Variants in PRKCZ observed in about 807,000 individuals in gnomAD.
PRKCZ encodes protein kinase C zeta type.
In PRKCZ, 33 loss-of-function variants were observed where a neutral mutation model predicts 79.5. That is an observed-to-expected ratio of 0.41 (90% CI 0.31 to 0.55). PRKCZ has a LOEUF of 0.55. PRKCZ is among the 20% of genes least tolerant of loss of function. The pLI is 0.19. For missense variants in PRKCZ, 578 were observed against 813.5 expected (o/e 0.71, Z 3.52); for synonymous variants, 342 against 320.9 (o/e 1.07, Z -0.70).
At position 2,185,330 on chromosome 1, in the gene PRKCZ, G is replaced by A. The variant is rs1188326190; in HGVS notation, c.*321G>A. 2 of 718,782 alleles carry A rather than the reference G, an allele frequency of 2.8e-6. No individual in the cohort carries two copies. Among genetic ancestry groups the A allele is most frequent in the Non-Finnish European group, 2.6e-6 (1 of 385,138 alleles). 44.5% of individuals were successfully genotyped at this position (718,782 alleles called of 1,614,324 possible). On this transcript the variant is annotated 3_prime_UTR_variant, in exon 18 of 18. Coordinates refer to ENST00000378567, the MANE Select transcript of PRKCZ (RefSeq NM_002744.6). ...CCACGGAAACAGAACTCGATGCACT[G>A]ACCTGCTCCGCCAGGAAAGTGAGCG... is the stretch of plus-strand genomic sequence containing the variant.
intron 4 of PRKCZ, among the ~76,000 whole-genome samples, chr1:2,110,396 C>T (rs1669486691): frequency 6.6e-6 from 1 of 152,238 alleles, no homozygotes. Flanking sequence ...TCCGTTCAGG[C>T]TTCATCCCCG....
At chr1:2,113,679 A>G (rs909685526) in intron 4 of PRKCZ, among the ~76,000 whole-genome samples, 1 of 152,158 alleles carries the variant, frequency 6.6e-6, no homozygotes, top group African/African-American at 2.4e-5. Context: ...AAGTAGTGGT[A>G]TCTCTGAGAG....
chr1:2,172,508 C>T lies in PRKCZ; in HGVS notation c.1285+120C>T, dbSNP rs1684628382. 8.9e-6 allele frequency: 10 copies of T among 1,128,484 alleles called. No homozygotes were observed. Among genetic ancestry groups the T allele is most frequent in the African/African-American group, 3.2e-5 (2 of 63,430 alleles). 69.9% of individuals were successfully genotyped at this position (1,128,484 alleles called of 1,614,324 possible). A position where few individuals can be genotyped will look rare whatever the true frequency, so the allele number is the denominator to read the frequency against. ...CTTACACCCAAAAGCCACACACTGT[C>T]TTTCCCAGCCGGATGTCATCATCTG... On this transcript the variant is annotated intron_variant, in intron 13 of 17. Transcript: ENST00000378567. The surrounding 1 kb of genome is among the most constrained non-coding windows in gnomAD (Gnocchi z 7.8).
At chr1:2,161,847 GGA>G (rs1429652786) in intron 10 of PRKCZ, among the ~76,000 whole-genome samples, 5 of 152,008 alleles carry the variant, frequency 3.3e-5, no homozygotes, top group Admixed American at 2.0e-4. Flanking sequence ...GGAGCCACCT[GGA>G]GTCTCCTTAG....
At chr1:2,144,745 C>A in intron 6 of PRKCZ, 1 of 695,806 alleles carries the variant, frequency 1.4e-6, no homozygotes, top group Non-Finnish European at 1.8e-6. Flanking sequence ...CCTGGCATCC[C>A]CCCTGGGAAG....
intron 4 of PRKCZ, among the ~76,000 whole-genome samples, chr1:2,105,449 G>A (rs1303646726): frequency 6.6e-6 from 1 of 152,234 alleles, no homozygotes; most frequent in Admixed American, 6.5e-5. Flanking sequence ...GCCCAGGCTG[G>A]AGTGCAGTGG....
At position 2,121,586 on chromosome 1, in the gene PRKCZ, A is replaced by G. The variant is rs915500926; in HGVS notation, c.335-13676A>G. 5.1e-4 allele frequency among the ~76,000 whole-genome samples: 59 copies of G among 115,374 alleles called. 6 individuals carry two copies. Among genetic ancestry groups the G allele is most frequent in the African/African-American group, 1.0e-3 (34 of 34,028 alleles). 75.7% of individuals were successfully genotyped at this position (115,374 alleles called of 152,430 possible). On this transcript the variant is annotated intron_variant, in intron 4 of 17. Transcript: ENST00000378567. ...TGGCTGTAGTTAGGGTGATGGTGGT[A>G]GTTAAGGTCACAGCAGTAATTAGGG...
At chr1:2,175,565 ACCCCCAACC>A (rs1201451248) in intron 16 of PRKCZ, among the ~76,000 whole-genome samples, 3 of 67,606 alleles carry the variant, frequency 4.4e-5, no homozygotes, top group Non-Finnish European at 9.6e-5. Flanking sequence ...CAACCCCTAC[ACCCCCAACC>A]CCTCCAACCC....
At chr1:2,087,156 C>T (rs1664669594) in intron 4 of PRKCZ, among the ~76,000 whole-genome samples, 1 of 152,070 alleles carries the variant, frequency 6.6e-6, no homozygotes, top group African/African-American at 2.4e-5. Context: ...GATCTCAGCT[C>T]ACTGTAACCA....
intron 4 of PRKCZ, among the ~76,000 whole-genome samples, chr1:2,116,972 G>C (rs1183593378): frequency 6.6e-6 from 1 of 152,106 alleles, no homozygotes; most frequent in African/African-American, 2.4e-5. Context: ...GCGGGGGGCA[G>C]ACAGGACCTC....
chr1:2,081,656 G>A (rs1169284864), intron 4 of PRKCZ, among the ~76,000 whole-genome samples: 3 of 152,264 alleles, frequency 2.0e-5, no homozygotes, highest in Admixed American at 6.5e-5. Context: ...TGGTGATGTC[G>A]GGGCTGCGGT....
chr1:2,080,865 T>C (rs1571223261), intron 4 of PRKCZ, among the ~76,000 whole-genome samples: 1 of 152,220 alleles, frequency 6.6e-6, no homozygotes, highest in East Asian at 1.9e-4. Flanking sequence ...TAAGGAGGGC[T>C]GGTCAGGTGT....
chr1:2,109,606 A>G (rs1669306606), intron 4 of PRKCZ, among the ~76,000 whole-genome samples: 1 of 152,200 alleles, frequency 6.6e-6, no homozygotes, highest in Non-Finnish European at 1.5e-5. Flanking sequence ...CTTCAGCGAG[A>G]GTCCATAGGA....
In PRKCZ at chr1:2,119,213, C is replaced by CTT. The variant is rs201938015; in HGVS notation, c.335-16032_335-16031dup. On this transcript the variant is annotated intron_variant, in intron 4 of 17. Coordinates refer to ENST00000378567, the MANE Select transcript of PRKCZ (RefSeq NM_002744.6). The stretch of plus-strand genomic sequence containing the variant: ...ATAACAGTTTAATTCTTATTTTTTC[C>CTT]TTTTTTTTTTTTTTTTTTGAGATGG... Among the ~76,000 whole-genome samples the CTT allele has an allele frequency of 5.6e-3, 714 of 126,374 alleles. 11 individuals carry two copies. Among genetic ancestry groups the CTT allele is most frequent in the East Asian group, 0.013 (62 of 4,674 alleles). 82.9% of individuals were successfully genotyped at this position (126,374 alleles called of 152,430 possible). A position where few individuals can be genotyped will look rare whatever the true frequency, so the allele number is the denominator to read the frequency against.
chr1:2,136,532 G>A (rs1174741573), intron 5 of PRKCZ, among the ~76,000 whole-genome samples: 4 of 152,096 alleles, frequency 2.6e-5, no homozygotes, highest in African/African-American at 7.2e-5. Context: ...TGGCAGGCAC[G>A]GGAGAGTCCA....
rs112514857 is a variant in PRKCZ, at chr1:2,144,386, G to T, written c.552+45G>T. 9.9e-4 allele frequency: 1,522 copies of T among 1,543,088 alleles called. 3 individuals are homozygous for T. Among genetic ancestry groups the T allele is most frequent in the South Asian group, 4.8e-3 (404 of 83,686 alleles). Reference sequence around the variant, plus strand: ...AGGCCCGGGGGGCACGGGCGGGGTCGGGGCGTGGCAGCCAGCCCATTGTCC... The same window carrying T: ...AGGCCCGGGGGGCACGGGCGGGGTCTGGGCGTGGCAGCCAGCCCATTGTCC... On this transcript the variant is annotated intron_variant, in intron 6 of 17. Coordinates refer to ENST00000378567, the MANE Select transcript of PRKCZ (RefSeq NM_002744.6).
At chr1:2,161,067 C>G (rs935200693) in intron 10 of PRKCZ, among the ~76,000 whole-genome samples, 1 of 152,132 alleles carries the variant, frequency 6.6e-6, no homozygotes. Context: ...ACATGAGTCA[C>G]CTCCCTTTCA....
chr1:2,105,553 C>T (rs1668243833), intron 4 of PRKCZ, among the ~76,000 whole-genome samples: 1 of 152,196 alleles, frequency 6.6e-6, no homozygotes, highest in South Asian at 2.1e-4. Flanking sequence ...GCACCTGCCA[C>T]CATGCGCAGC....
chr1:2,135,624 T>C (rs1676036892), intron 5 of PRKCZ, among the ~76,000 whole-genome samples: 1 of 152,218 alleles, frequency 6.6e-6, no homozygotes, highest in South Asian at 2.1e-4. Flanking sequence ...GGCTCAGGGC[T>C]CACTGGCCTG....
Sources: allele counts gnomAD v4.1 joint callset (sites outside exome capture counted in the v4.1 genomes callset), GRCh38; gene constraint gnomAD v4.1.1; non-coding constraint Gnocchi (gnomAD v3.1); transcripts MANE v1.5; gene names NCBI Gene and HGNC (gene_info 2026-07-23, HGNC 2026-07-21).